Variants in TET3 observed in about 807,000 individuals in gnomAD.
The protein encoded by TET3 is tet methylcytosine dioxygenase 3.
TET3 carries 19 observed loss-of-function variants against 141.4 expected under a neutral mutation model. The ratio of observed to expected loss-of-function variants is 0.13; its 90% CI spans 0.09 to 0.20. The LOEUF (loss-of-function observed/expected upper bound fraction) is 0.20. Ranked by LOEUF, TET3 falls within the 10% of genes least tolerant of loss-of-function variation. The probability of loss-of-function intolerance (pLI) is 1.00; values close to 1 mark genes in which losing one functional copy is unlikely to be tolerated. For synonymous variants in TET3, 1,043 were observed against 980.9 expected, an observed-to-expected ratio of 1.06 and a Z score of -1.18; for missense variants, 1,874 against 2,356.9, an observed-to-expected ratio of 0.80 and a Z score of 4.24.
intron 4 of TET3, among the ~76,000 whole-genome samples, chr2:74,050,241 A>G (rs1253053709): frequency 1.3e-5 from 2 of 152,224 alleles, no homozygotes; most frequent in African/African-American, 4.8e-5. Flanking sequence ...GGCACTTTAC[A>G]TAACCCATCA....
intron 3 of TET3, among the ~76,000 whole-genome samples, chr2:74,022,577 T>C (rs1351109678): frequency 6.6e-6 from 1 of 152,036 alleles, no homozygotes; most frequent in Non-Finnish European, 1.5e-5. Flanking sequence ...TTATTATTTT[T>C]TTTTCTTTTG....
At chr2:73,988,990 G>GTTT (rs1437398059) in intron 2 of TET3, among the ~76,000 whole-genome samples, 3,128 of 105,908 alleles carry the variant, frequency 0.03, 203 homozygotes, top group African/African-American at 0.074. Flanking sequence ...AAAAAAAAAA[G>GTTT]TTTTTTTTGT....
chr2:74,013,139 C>T (rs1261274858), intron 3 of TET3, among the ~76,000 whole-genome samples: 1 of 151,986 alleles, frequency 6.6e-6, no homozygotes, highest in African/African-American at 2.4e-5. Flanking sequence ...GGATTACAGG[C>T]ACATGCCATC....
chr2:74,016,583 G>GT (rs1558714513), intron 3 of TET3, among the ~76,000 whole-genome samples: 2 of 152,020 alleles, frequency 1.3e-5, no homozygotes, highest in African/African-American at 2.4e-5. Flanking sequence ...TTAGCCAGGC[G>GT]TGGTGGTGCA....
the TET3 span, chr2:74,120,674 G>A: frequency 6.6e-6 from 1 of 152,368 alleles, no homozygotes; most frequent in African/African-American, 2.4e-5. Flanking sequence ...TGCCTGCCTG[G>A]ACCCAGAACT....
rs556584748 is a variant in TET3, at chr2:74,047,455, C to T, written c.1538C>T (p.Thr513Met). ...PSPVLQREAP[T>M]PSSEPDTHQK... ...CCTGTACTTCAGAGGGAGGCTCCCA[C>T]GCCATCCTCGGAGCCCGACACCCAC... Residue 513 changes from threonine to methionine, a missense_variant, in exon 4 of 12, where the codon ACG (threonine) becomes ATG (methionine). Around this residue, in one of 10 missense-constraint regions of TET3, gnomAD observed 484 missense variants for 462.2 expected, o/e 1.05. Coordinates refer to ENST00000409262, the MANE Select transcript of TET3 (RefSeq NM_001287491.2). 17 of 1,612,536 alleles carry T rather than the reference C, an allele frequency of 1.1e-5. No individual in the cohort carries two copies. The highest frequency in any genetic ancestry group is 6.6e-5 in the South Asian group (6 of 91,026).
At chr2:74,034,638 T>C (rs1686931228) in intron 3 of TET3, among the ~76,000 whole-genome samples, 1 of 151,824 alleles carries the variant, frequency 6.6e-6, no homozygotes, top group Non-Finnish European at 1.5e-5. Context: ...CTGTGGCTCA[T>C]TCATTGACAC....
chr2:74,086,436 A>G (rs1247974655), intron 6 of TET3, among the ~76,000 whole-genome samples: 1 of 152,142 alleles, frequency 6.6e-6, no homozygotes. Flanking sequence ...CAGTTCACAC[A>G]TTTGAAGCAT....
rs1691568298 is a variant in TET3 at position 74,107,549 on chromosome 2, G to A, written c.*5373G>A. ...CCTTTTTTTTCTTTTGAGGGGAAAA[G>A]AGGGGAGAAAAACAGGAGTGATGTC... On this transcript the variant is annotated 3_prime_UTR_variant, in exon 12 of 12. Coordinates refer to ENST00000409262, the MANE Select transcript of TET3 (RefSeq NM_001287491.2). 6.6e-6 allele frequency: 1 copy of A among 151,348 alleles called. No homozygotes were observed. Among genetic ancestry groups the A allele is most frequent in the South Asian group, 2.1e-4 (1 of 4,820 alleles). 9.4% of individuals were successfully genotyped at this position (151,348 alleles called of 1,614,324 possible).
At position 74,087,050 on chromosome 2, in the gene TET3, C is replaced by T. The variant is rs1164256701; in HGVS notation, c.2680-780C>T. On this transcript the variant is annotated intron_variant, in intron 6 of 11. Transcript: ENST00000409262. This position sits in a 1 kb window ranked among gnomAD's most constrained non-coding sequence, Gnocchi z 4.3. ...CTGAATGGAACTGTTCTGGGTGTCT[C>T]ATGTCAGTGGAATCATGTACTATGT... is the stretch of plus-strand genomic sequence containing the variant. Among the ~76,000 whole-genome samples, 2 of 152,142 alleles carry T rather than the reference C, an allele frequency of 1.3e-5. No individual in the cohort carries two copies. Among genetic ancestry groups the T allele is most frequent in the East Asian group, 3.9e-4 (2 of 5,190 alleles).
At position 74,100,759 on chromosome 2, in the gene TET3, T is replaced by C. The variant is rs1040406592; in HGVS notation, c.3971T>C (p.Leu1324Pro). ...GAGAAGAAGCCAGACCTCCACGCTC[T>C]GCACAACAGCCTGAGCCCGGCCTAC... ...SFEKKPDLHA[L>P]HNSLSPAYGG... Residue 1324 changes from leucine (L) to proline (P), a missense_variant, in exon 12 of 12, where the codon CTG becomes CCG. Leu to Pro is a moderately conservative substitution (Grantham distance 98). Around this residue, in one of 10 missense-constraint regions of TET3, gnomAD observed 602 missense variants for 590.2 expected, o/e 1.02. Transcript: ENST00000409262. The C allele has an allele frequency of 1.2e-6, 2 of 1,613,530 alleles. No individual in the cohort carries two copies. Among genetic ancestry groups the C allele is most frequent in the Non-Finnish European group, 1.7e-6 (2 of 1,179,782 alleles).
intron 3 of TET3, among the ~76,000 whole-genome samples, chr2:74,036,198 G>A (rs1428046172): frequency 1.1e-4 from 16 of 152,164 alleles, no homozygotes; most frequent in Admixed American, 6.5e-4. Context: ...AAACAGAGGC[G>A]CAGAGAGATT....
chr2:73,987,233 C>T (rs1278247592), intron 2 of TET3, among the ~76,000 whole-genome samples: 1 of 152,122 alleles, frequency 6.6e-6, no homozygotes, highest in Admixed American at 6.6e-5. Context: ...GTTTTGGGTT[C>T]CCCTATCTTA....
intron 3 of TET3, 149 bp downstream of exon 3, chr2:74,003,315 G>T: frequency 1.0e-6 from 1 of 977,258 alleles, no homozygotes; most frequent in South Asian, 1.8e-5. Context: ...GGGGCGGCGG[G>T]GGTGTGGGCG....
rs187637930 is a variant in TET3, at chr2:74,104,168, G to A, written c.*1992G>A. ...AAAAAGTATGTTTTAACATGTAATT[G>A]TGGGAGAAATTGTAAATAGTAGCCG... On this transcript the variant is annotated 3_prime_UTR_variant, in exon 12 of 12. Transcript: ENST00000409262. 6.6e-6 allele frequency: 1 copy of A among 152,500 alleles called. No individual in the cohort carries two copies. 9.4% of individuals were successfully genotyped at this position (152,500 alleles called of 1,614,324 possible).
At position 74,046,767 on chromosome 2, in the gene TET3, G is replaced by C. The variant is rs771078078; in HGVS notation, c.850G>C (p.Glu284Gln). ...TGGCCCAGAATGCCCTGACTACCTC[G>C]AGTGGCTGGAGGGGAAGATCAAGTC... is the stretch of plus-strand genomic sequence containing the variant. ...CDGPECPDYL[E>Q]WLEGKIKSVV... The change falls in exon 4 of 12, where the codon GAG becomes CAG. Residue 284 changes from glutamate to glutamine, a missense_variant. Glu to Gln is a conservative substitution (Grantham distance 29). Transcript: ENST00000409262. The surrounding 1 kb of genome is among the most constrained non-coding windows in gnomAD (Gnocchi z 4.3). 1 of 1,613,744 alleles carries C rather than the reference G, an allele frequency of 6.2e-7. No homozygotes were observed. The highest frequency in any genetic ancestry group is 8.5e-7 in the Non-Finnish European group (1 of 1,179,874).
At chr2:74,043,639 G>A (rs377620017) in intron 3 of TET3, among the ~76,000 whole-genome samples, 2 of 152,178 alleles carry the variant, frequency 1.3e-5, no homozygotes, top group African/African-American at 4.8e-5. Flanking sequence ...TGAGAACTGC[G>A]TGTACAAAGC....
the TET3 span, among the ~76,000 whole-genome samples, chr2:74,114,281 T>TA: frequency 7.1e-6 from 1 of 141,462 alleles, no homozygotes; most frequent in Non-Finnish European, 1.5e-5. Flanking sequence ...ATAAAAGTGA[T>TA]ATAATGGACC....
intron 2 of TET3, chr2:74,002,655 C>G: frequency 2.6e-6 from 1 of 382,904 alleles, no homozygotes; most frequent in Non-Finnish European, 4.6e-6. Flanking sequence ...GAGCGCGCCG[C>G]CCCCTCGCAC....
Sources: allele counts gnomAD v4.1 joint callset (sites outside exome capture counted in the v4.1 genomes callset), GRCh38; gene constraint gnomAD v4.1.1; regional missense constraint gnomAD v4.1.1; non-coding constraint Gnocchi (gnomAD v3.1); transcripts MANE v1.5; gene names NCBI Gene and HGNC (gene_info 2026-07-23, HGNC 2026-07-21).